Variants in USP47 observed in about 807,000 individuals in gnomAD.
The protein encoded by USP47 is ubiquitin carboxyl-terminal hydrolase 47.
Under a neutral mutation model 165.1 loss-of-function variants are expected in USP47, and 35 were observed. The ratio of observed to expected loss-of-function variants is 0.21; its 90% CI spans 0.16 to 0.28. The LOEUF (loss-of-function observed/expected upper bound fraction) is 0.28, where lower values mean the gene tolerates loss of function less well. USP47 is among the 10% of genes least tolerant of loss of function. The probability of loss-of-function intolerance (pLI) is 1.00; values close to 1 mark genes in which losing one functional copy is unlikely to be tolerated. For synonymous variants in USP47, 531 were observed against 544.5 expected, an observed-to-expected ratio of 0.98 and a Z score of 0.35; for missense variants, 1,277 against 1,607.4, an observed-to-expected ratio of 0.79 and a Z score of 3.52.
intron 1 of USP47, among the ~76,000 whole-genome samples, chr11:11,877,803 CTCTGTGTGTGTGTGTG>C (rs1299085838): frequency 1.7e-3 from 74 of 42,966 alleles, no homozygotes; most frequent in African/African-American, 5.1e-3. Context: ...CTCTCTCTCT[CTCTGTGTGTGTGTGTG>C]TGTGTGTGTG....
intron 8 of USP47, among the ~76,000 whole-genome samples, chr11:11,917,916 T>C (rs1039415082): frequency 1.3e-5 from 2 of 152,144 alleles, no homozygotes; most frequent in Non-Finnish European, 2.9e-5. Flanking sequence ...CATTAAAATT[T>C]GATTTAGGCA....
At chr11:11,906,953 T>C (rs1852613030) in intron 8 of USP47, among the ~76,000 whole-genome samples, 2 of 152,190 alleles carry the variant, frequency 1.3e-5, no homozygotes, top group Non-Finnish European at 2.9e-5. Flanking sequence ...TTATACCTTA[T>C]TTATTAAAGT....
chr11:11,942,016 C>A (rs1165988153), intron 19 of USP47, among the ~76,000 whole-genome samples: 2 of 152,016 alleles, frequency 1.3e-5, no homozygotes, highest in Non-Finnish European at 2.9e-5. Context: ...AAAGAAAAAC[C>A]AGAGTATTAA....
At chr11:11,908,966 A>G (rs1247795930) in intron 8 of USP47, among the ~76,000 whole-genome samples, 1 of 152,186 alleles carries the variant, frequency 6.6e-6, no homozygotes, top group Non-Finnish European at 1.5e-5. Flanking sequence ...AGTGCATATT[A>G]TATTTTAAAT....
chr11:11,897,157 T>C (rs1851902102), intron 4 of USP47, among the ~76,000 whole-genome samples: 2 of 151,278 alleles, frequency 1.3e-5, no homozygotes, highest in African/African-American at 4.9e-5. Context: ...TGGTTCTGTA[T>C]AGTCTTTCTA....
chr11:11,873,113 CTG>C (rs1850176919), intron 1 of USP47, among the ~76,000 whole-genome samples: 1 of 152,066 alleles, frequency 6.6e-6, no homozygotes, highest in South Asian at 2.1e-4. Flanking sequence ...TTTCAGAAAA[CTG>C]TATGTTGCTA....
At chr11:11,906,676 T>G (rs1057036760) in intron 8 of USP47, among the ~76,000 whole-genome samples, 1 of 152,190 alleles carries the variant, frequency 6.6e-6, no homozygotes, top group Non-Finnish European at 1.5e-5. Context: ...GAAAAGTTTT[T>G]TAGATGTTTA....
chr11:11,929,934 T>C (rs1854529556), intron 12 of USP47, 110 bp from the exon 13 acceptor site: 1 of 865,208 alleles, frequency 1.2e-6, no homozygotes, highest in Non-Finnish European at 1.8e-6. Flanking sequence ...TGAGCAATCA[T>C]GAAGGTCTTT....
chr11:11,849,765 C>T (rs960886965), intron 1 of USP47, among the ~76,000 whole-genome samples: 2 of 152,104 alleles, frequency 1.3e-5, no homozygotes, highest in Non-Finnish European at 2.9e-5. Flanking sequence ...CTTTGGCTGT[C>T]TTTGTTTACT....
At chr11:11,873,523 T>C (rs1465696342) in intron 1 of USP47, among the ~76,000 whole-genome samples, 1 of 152,122 alleles carries the variant, frequency 6.6e-6, no homozygotes, top group Admixed American at 6.5e-5. Context: ...CAAAATATTA[T>C]GTGACTTACA....
intron 8 of USP47, among the ~76,000 whole-genome samples, chr11:11,908,276 T>TC (rs1274407797): frequency 6.6e-6 from 1 of 152,012 alleles, no homozygotes. Flanking sequence ...TTCTTTTTTT[T>TC]CTCTCTCTCT....
At chr11:11,867,863 A>G (rs773758193) in intron 1 of USP47, among the ~76,000 whole-genome samples, 1 of 152,064 alleles carries the variant, frequency 6.6e-6, no homozygotes, top group Admixed American at 6.5e-5. Context: ...ACCATTTTCA[A>G]AGCAATTCTT....
At chr11:11,948,287 TAACA>T (rs1796395966) in intron 21 of USP47, 167 bp downstream of exon 21, 1 of 899,252 alleles carries the variant, frequency 1.1e-6, no homozygotes, top group Non-Finnish European at 1.6e-6. Context: ...TTCACTCATC[TAACA>T]AACATTTGTG....
chr11:11,911,949 C>G (rs1245615192), intron 8 of USP47, among the ~76,000 whole-genome samples: 1 of 151,818 alleles, frequency 6.6e-6, no homozygotes, highest in Non-Finnish European at 1.5e-5. Context: ...TCACAAAACA[C>G]TTGGGAAATA....
At chr11:11,915,443 C>G (rs1166930039) in intron 8 of USP47, among the ~76,000 whole-genome samples, 20 of 152,002 alleles carry the variant, frequency 1.3e-4, no homozygotes, top group Admixed American at 1.3e-3. Flanking sequence ...ATATATGAAC[C>G]TCTACAGGTG....
chr11:11,930,604 T>TA (rs1169522352), intron 13 of USP47, 92 bp from the exon 14 acceptor site: 4 of 1,007,326 alleles, frequency 4.0e-6, no homozygotes, highest in Admixed American at 2.6e-5. Flanking sequence ...AATTGTTTTT[T>TA]AAAAAATCAC....
chr11:11,930,564 G>C lies in USP47; in HGVS notation c.1596-132G>C, dbSNP rs1446723162. On this transcript the variant is annotated intron_variant, in intron 13 of 27. Transcript: ENST00000527733. ...CTTATCTGGAATGTTTTAAATCTCAGTGTGTCTGTGAACAGTGACATGATT... is the reference window on the plus strand; with the variant it reads ...CTTATCTGGAATGTTTTAAATCTCACTGTGTCTGTGAACAGTGACATGATT... 4.3e-6 allele frequency: 3 copies of C among 698,138 alleles called. No individual in the cohort carries two copies. In the African/African-American group the frequency reaches 5.6e-5, roughly 13 times the overall value. 43.2% of individuals were successfully genotyped at this position (698,138 alleles called of 1,614,324 possible). A position where few individuals can be genotyped will look rare whatever the true frequency, so the allele number is the denominator to read the frequency against.
At position 11,950,376 on chromosome 11, in the gene USP47, G is replaced by T; in HGVS notation, c.3477G>T (p.Arg1159Ser). 1 of 1,593,576 alleles carries T rather than the reference G, an allele frequency of 6.3e-7. No individual in the cohort carries two copies. The change falls in exon 24 of 28, where the codon AGG (arginine) becomes AGT (serine). Residue 1159 changes from arginine (R) to serine (S), a missense_variant. Physicochemically the swap from Arg to Ser is moderately radical, Grantham distance 110. This residue lies in a region of USP47 where 909 missense variants were observed against 1,068.1 expected (regional missense o/e 0.85). Coordinates refer to ENST00000527733, the MANE Select transcript of USP47 (RefSeq NM_001282659.2). ...LELSIDRFRL[R>S]KKTWKNPGTV... is the part of the protein sequence containing the mutation. The stretch of plus-strand genomic sequence containing the variant: ...ATCACATTTGTAGGTTTCGTCTAAG[G>T]AAAAAAACATGGAAGAATCCTGGCA...
intron 1 of USP47, among the ~76,000 whole-genome samples, chr11:11,860,951 T>A (rs993488946): frequency 2.6e-5 from 4 of 152,148 alleles, no homozygotes; most frequent in African/African-American, 9.7e-5. Flanking sequence ...TATACAGTCA[T>A]CAGAAGGCCT....
Sources: gnomAD v4.1 joint callset for allele counts (sites outside exome capture counted in the v4.1 genomes callset) on GRCh38, gnomAD v4.1.1 for gene constraint, gnomAD v4.1.1 regional missense constraint, MANE v1.5 for transcripts, NCBI Gene and HGNC (gene_info 2026-07-23, HGNC 2026-07-21) for gene names.